Variants in SGCE observed in about 807,000 individuals in gnomAD.
SGCE encodes the protein epsilon-sarcoglycan.
In SGCE, 26 loss-of-function variants were observed where a neutral mutation model predicts 57.8. The ratio of observed to expected loss-of-function variants is 0.45; its 90% CI spans 0.33 to 0.62. SGCE has a LOEUF of 0.62. Ranked by LOEUF, SGCE falls within the 20% of genes least tolerant of loss-of-function variation. SGCE has a pLI of 0.02. For synonymous variants in SGCE, 183 were observed against 189.5 expected, an observed-to-expected ratio of 0.97 and a Z score of 0.28; for missense variants, 468 against 548.6, an observed-to-expected ratio of 0.85 and a Z score of 1.47.
At chr7:94,617,022 AGGTGTTG>A (rs1488555258) in intron 5 of SGCE, 2 of 152,198 alleles carry the variant, frequency 1.3e-5, no homozygotes, top group African/African-American at 4.8e-5. Flanking sequence ...ACCCTCTAGC[AGGTGTTG>A]GGTGTTGGGG....
chr7:94,632,974 A>C (rs944414439), intron 1 of SGCE, among the ~76,000 whole-genome samples: 1 of 152,068 alleles, frequency 6.6e-6, no homozygotes, highest in Non-Finnish European at 1.5e-5. Context: ...AGCTTAAAGC[A>C]TGTTGTTTTC....
At chr7:94,642,496 TA>T (rs1423385833) in intron 1 of SGCE, among the ~76,000 whole-genome samples, 1 of 152,090 alleles carries the variant, frequency 6.6e-6, no homozygotes. Flanking sequence ...ATATACATAG[TA>T]AAAAATTCTA....
intron 5 of SGCE, chr7:94,618,441 G>C: frequency 4.0e-6 from 1 of 252,906 alleles, no homozygotes; most frequent in Non-Finnish European, 7.5e-6. Flanking sequence ...AATAACTGGG[G>C]CGTCAATTTC....
At chr7:94,634,639 T>A (rs1805301557) in intron 1 of SGCE, among the ~76,000 whole-genome samples, 1 of 152,166 alleles carries the variant, frequency 6.6e-6, no homozygotes, top group South Asian at 2.1e-4. Flanking sequence ...TGCGTGCTGT[T>A]TAACACACAT....
chr7:94,600,714 C>T lies in SGCE; in HGVS notation c.969G>A (p.Val323=), dbSNP rs780870614. 6.2e-6 allele frequency: 10 copies of T among 1,613,856 alleles called. No individual in the cohort carries two copies. In the South Asian group the frequency reaches 7.7e-5, roughly 12 times the overall value. Residue 323 remains valine (V), a synonymous_variant, in exon 7 of 11, where the codon GTG becomes GTA. Transcript: ENST00000648936. ...YYTDFLITLA[V]PSAVALVLFL... Reference sequence around the variant, plus strand: ...AAAGGACCAGTGCCACTGCCGAGGGCACAGCCAGTGTAATTAGGAAATCCG... The same window carrying T: ...AAAGGACCAGTGCCACTGCCGAGGGTACAGCCAGTGTAATTAGGAAATCCG...
intron 3 of SGCE, chr7:94,623,739 A>G (rs991181074): frequency 2.3e-5 from 9 of 395,484 alleles, no homozygotes; most frequent in Admixed American, 1.3e-4. Flanking sequence ...TAAGATTTCA[A>G]AAAAAAAACA....
intron 1 of SGCE, among the ~76,000 whole-genome samples, chr7:94,646,188 T>C (rs1807043407): frequency 6.6e-6 from 1 of 152,178 alleles, no homozygotes; most frequent in Non-Finnish European, 1.5e-5. Flanking sequence ...ATGAATTACA[T>C]CGATATTTAT....
At chr7:94,613,847 C>T (rs1415527278) in intron 5 of SGCE, among the ~76,000 whole-genome samples, 1 of 152,070 alleles carries the variant, frequency 6.6e-6, no homozygotes, top group Admixed American at 6.6e-5. Context: ...CACTCAAAAG[C>T]AGCAGCACAA....
chr7:94,603,485 T>C (rs1294970336), intron 5 of SGCE, 33 bp from the exon 6 acceptor site: 2 of 1,603,946 alleles, frequency 1.2e-6, no homozygotes, highest in Non-Finnish European at 1.7e-6. Context: ...GGTTATCCTT[T>C]AAGAAAATTG....
chr7:94,598,871 G>A lies in SGCE; in HGVS notation c.1157C>T (p.Thr386Met), dbSNP rs370800943. Reference sequence around the variant, plus strand: ...AGTCACAGGGTGGAACACAGGAAGCGTTGACAGGGGCCATGCTATCTCTCT... The same window carrying A: ...AGTCACAGGGTGGAACACAGGAAGCATTGACAGGGGCCATGCTATCTCTCT... ...KNREIAWPLS[T>M]LPVFHPVTGE... The change falls in exon 9 of 11, where the codon ACG becomes ATG. Residue 386 changes from threonine to methionine, a missense_variant. Transcript: ENST00000648936. The A allele has an allele frequency of 8.1e-6, 13 of 1,612,094 alleles. No individual in the cohort carries two copies. The highest frequency in any genetic ancestry group is 6.7e-5 in the Admixed American group (4 of 59,988).
intron 1 of SGCE, among the ~76,000 whole-genome samples, chr7:94,636,935 G>T (rs1029856916): frequency 1.3e-5 from 2 of 151,700 alleles, no homozygotes; most frequent in Admixed American, 6.6e-5. Context: ...CGTGGTGGTG[G>T]GTGCCTATAA....
chr7:94,595,178 C>T (rs1798215203), intron 9 of SGCE, among the ~76,000 whole-genome samples: 1 of 152,110 alleles, frequency 6.6e-6, no homozygotes, highest in South Asian at 2.1e-4. Context: ...CAGTCTGGAG[C>T]TCTGTGAAAC....
intron 9 of SGCE, among the ~76,000 whole-genome samples, chr7:94,591,536 T>C (rs1385473876): frequency 6.6e-6 from 1 of 152,168 alleles, no homozygotes; most frequent in African/African-American, 2.4e-5. Context: ...AGGTAGTGGT[T>C]AGTAAACAAA....
At chr7:94,604,489 T>A (rs535561033) in intron 5 of SGCE, among the ~76,000 whole-genome samples, 1 of 151,566 alleles carries the variant, frequency 6.6e-6, no homozygotes, top group East Asian at 1.9e-4. Flanking sequence ...ATTTGAAAAC[T>A]TACTCAGAGC....
chr7:94,590,292 A>G (rs998110179), intron 9 of SGCE, among the ~76,000 whole-genome samples: 2 of 152,288 alleles, frequency 1.3e-5, no homozygotes, highest in Non-Finnish European at 1.5e-5. Flanking sequence ...AAAAATCTCA[A>G]GAACCACCTT....
At chr7:94,590,591 G>C (rs1797544727) in intron 9 of SGCE, 1 of 152,192 alleles carries the variant, frequency 6.6e-6, no homozygotes. Flanking sequence ...TCAGTCCTTT[G>C]TAATAAAGTT....
At chr7:94,619,440 A>G (rs993383678) in intron 4 of SGCE, 1 of 152,718 alleles carries the variant, frequency 6.5e-6, no homozygotes, top group Admixed American at 6.5e-5. Flanking sequence ...ACATTGTTGG[A>G]GATTTAGTGT....
chr7:94,619,299 A>C, intron 4 of SGCE: 1 of 185,972 alleles, frequency 5.4e-6, no homozygotes, highest in East Asian at 1.5e-4. Flanking sequence ...CTAAAATATT[A>C]CTTTTTCTGA....
chr7:94,587,398 C>G, intron 10 of SGCE: 2 of 1,117,706 alleles, frequency 1.8e-6, no homozygotes, highest in Non-Finnish European at 1.1e-6. Context: ...CTACTCACTC[C>G]ATGCCTGAAA....
Sources: gnomAD v4.1 joint callset for allele counts (sites outside exome capture counted in the v4.1 genomes callset) on GRCh38, gnomAD v4.1.1 for gene constraint, MANE v1.5 for transcripts, NCBI Gene and HGNC (gene_info 2026-07-23, HGNC 2026-07-21) for gene names.